CPS1: variants seen among roughly 807,000 people sequenced by gnomAD.
CPS1 encodes carbamoyl-phosphate synthase [ammonia], mitochondrial.
CPS1 carries 109 observed loss-of-function variants against 174.6 expected under a neutral mutation model. That is an observed-to-expected ratio of 0.62 (90% confidence interval 0.53 to 0.73). CPS1 has a LOEUF of 0.73. CPS1 is among the 30% of genes least tolerant of loss of function. The pLI is 0.00. For missense variants in CPS1, 1,689 were observed against 1,821.9 expected (o/e 0.93, Z 1.33); for synonymous variants, 637 against 632.0 (o/e 1.01, Z -0.12).
chr2:210,637,829 C>G lies in CPS1; in HGVS notation c.2815C>G (p.Pro939Ala). ...RELRLKKNIHPWVKQIDTLAA... is the reference protein window; with the variant it reads ...RELRLKKNIHAWVKQIDTLAA... The stretch of plus-strand genomic sequence containing the variant: ...GCTGAGGTTAAAGAAAAACATCCAC[C>G]CTTGGGTTAAACAGGTAAAGGAGTT... The change falls in exon 22 of 38, where the codon CCT (proline) becomes GCT (alanine). Residue 939 changes from proline to alanine, a missense_variant. Coordinates refer to ENST00000233072, the MANE Select transcript of CPS1 (RefSeq NM_001875.5). 1 of 1,613,894 alleles carries G rather than the reference C, an allele frequency of 6.2e-7. No individual in the cohort carries two copies. Among genetic ancestry groups the G allele is most frequent in the Non-Finnish European group, 8.5e-7 (1 of 1,179,850 alleles).
At chr2:210,486,547 G>A (rs573524227) in intron 1 of CPS1, among the ~76,000 whole-genome samples, 7 of 152,170 alleles carry the variant, frequency 4.6e-5, no homozygotes, top group Non-Finnish European at 1.0e-4. Flanking sequence ...TTTCACTCCT[G>A]TTGCCCAGGC....
At chr2:210,523,858 C>A (rs1469697853) in intron 1 of CPS1, among the ~76,000 whole-genome samples, 3 of 151,938 alleles carry the variant, frequency 2.0e-5, no homozygotes, top group African/African-American at 7.2e-5. Context: ...AATGCTGACC[C>A]TTTGCTCTTT....
chr2:210,536,670 C>A (rs1039542800), intron 1 of CPS1, among the ~76,000 whole-genome samples: 3 of 151,964 alleles, frequency 2.0e-5, no homozygotes, highest in African/African-American at 7.3e-5. Context: ...GATTGGCAAT[C>A]CAAATTGAGC....
chr2:210,592,118 A>T (rs1698326226), intron 10 of CPS1, 149 bp downstream of exon 10: 5 of 916,056 alleles, frequency 5.5e-6, no homozygotes, highest in Middle Eastern at 3.1e-4. Flanking sequence ...TCACACTAGG[A>T]TAACCATCAC....
chr2:210,508,017 A>C (rs1341941609), intron 1 of CPS1, among the ~76,000 whole-genome samples: 1 of 152,170 alleles, frequency 6.6e-6, no homozygotes, highest in Non-Finnish European at 1.5e-5. Context: ...TCAGTTCTGC[A>C]CCAAGCAGAC....
intron 15 of CPS1, among the ~76,000 whole-genome samples, chr2:210,601,221 C>G (rs1698714662): frequency 6.6e-6 from 1 of 151,732 alleles, no homozygotes; most frequent in Admixed American, 6.6e-5. Context: ...TTTCCATTGC[C>G]CCTTATGCCT....
chr2:210,518,330 C>T (rs1326326126), intron 1 of CPS1, among the ~76,000 whole-genome samples: 1 of 151,964 alleles, frequency 6.6e-6, no homozygotes, highest in East Asian at 1.9e-4. Context: ...AATATCTGTT[C>T]TCTTCCTTTT....
At chr2:210,604,630 C>G (rs1698843027) in intron 16 of CPS1, among the ~76,000 whole-genome samples, 1 of 151,904 alleles carries the variant, frequency 6.6e-6, no homozygotes, top group Non-Finnish European at 1.5e-5. Context: ...CCATCATCAT[C>G]TCCTTTCTCC....
At chr2:210,535,800 C>T (rs1696232431) in intron 1 of CPS1, among the ~76,000 whole-genome samples, 1 of 149,884 alleles carries the variant, frequency 6.7e-6, no homozygotes, top group African/African-American at 2.5e-5. Context: ...AAAGTTTAGT[C>T]CCTTCTCCCT....
intron 1 of CPS1, among the ~76,000 whole-genome samples, chr2:210,494,366 A>T (rs183781997): frequency 1.4e-4 from 22 of 152,202 alleles, no homozygotes; most frequent in Admixed American, 3.9e-4. Context: ...ATCCAATGGG[A>T]GGGTGCTTAT....
chr2:210,539,618 A>G (rs916307959), intron 1 of CPS1, among the ~76,000 whole-genome samples: 10 of 152,116 alleles, frequency 6.6e-5, no homozygotes, highest in African/African-American at 2.4e-4. Flanking sequence ...TTTAGTTTAC[A>G]TGATTTAGTG....
chr2:210,620,191 CA>C (rs1216758971), intron 21 of CPS1, among the ~76,000 whole-genome samples: 2 of 151,764 alleles, frequency 1.3e-5, no homozygotes, highest in Non-Finnish European at 2.9e-5. Context: ...AGATAAAATA[CA>C]ATGGAAATTA....
At chr2:210,556,487 C>A, upstream of CPS1, 2 of 1,105,912 alleles carry the variant, frequency 1.8e-6, no homozygotes, top group Non-Finnish European at 2.6e-6. Flanking sequence ...TGATGTGTTG[C>A]AATTTGTGTT....
At chr2:210,673,678 TATA>T (rs1408910924) in intron 34 of CPS1, 1 of 152,096 alleles carries the variant, frequency 6.6e-6, no homozygotes, top group Non-Finnish European at 1.5e-5. Context: ...TTATTGTAAT[TATA>T]ATAATATTTA....
chr2:210,522,291 C>G (rs1695847496), intron 1 of CPS1, among the ~76,000 whole-genome samples: 1 of 151,886 alleles, frequency 6.6e-6, no homozygotes, highest in African/African-American at 2.4e-5. Flanking sequence ...TTAACAATGC[C>G]TTTGAAGTCA....
intron 1 of CPS1, among the ~76,000 whole-genome samples, chr2:210,502,460 TAG>T (rs1414415374): frequency 5.6e-5 from 5 of 89,558 alleles, no homozygotes; most frequent in Admixed American, 1.1e-4. Context: ...GAGATACATA[TAG>T]ATATATATAT....
At chr2:210,503,007 T>G (rs890329053) in intron 1 of CPS1, among the ~76,000 whole-genome samples, 1 of 152,188 alleles carries the variant, frequency 6.6e-6, no homozygotes, top group Non-Finnish European at 1.5e-5. Context: ...ACCTAATTTT[T>G]AAAAGTTCTG....
chr2:210,647,274 G>A (rs1473265942), intron 25 of CPS1, among the ~76,000 whole-genome samples: 1 of 152,184 alleles, frequency 6.6e-6, no homozygotes, highest in African/African-American at 2.4e-5. Context: ...GAATTTGTTA[G>A]TGGGAAAATA....
In CPS1 at chr2:210,591,855, T is replaced by G. The variant is rs200158685; in HGVS notation, c.972T>G (p.Asn324Lys). 26 of 1,612,426 alleles carry G rather than the reference T, an allele frequency of 1.6e-5. No individual in the cohort carries two copies. The highest frequency in any genetic ancestry group is 2.2e-5 in the Non-Finnish European group (26 of 1,179,044). The change falls in exon 10 of 38, where the codon AAT becomes AAG. Residue 324 changes from asparagine (N) to lysine (K), a missense_variant. Physicochemically the swap from Asn to Lys is moderately conservative, Grantham distance 94. Transcript: ENST00000233072. ...GAGGGCAGAATCAGCCTGTTTTGAA[T>G]ATCACAAACAAACAGGCTTTCATTA... is the stretch of plus-strand genomic sequence containing the variant. ...ANRGQNQPVL[N>K]ITNKQAFITA...
Sources: gnomAD v4.1 joint callset for allele counts (sites outside exome capture counted in the v4.1 genomes callset) on GRCh38, gnomAD v4.1.1 for gene constraint, MANE v1.5 for transcripts, NCBI Gene and HGNC (gene_info 2026-07-23, HGNC 2026-07-21) for gene names.